The following STX7 variants were observed in gnomAD, a reference collection of about 807,000 sequenced individuals.
STX7 encodes syntaxin-7.
A neutral mutation model predicts 39.6 loss-of-function variants in STX7; 34 were observed. The ratio of observed to expected loss-of-function variants is 0.86; its 90% CI spans 0.65 to 1.14. The LOEUF (loss-of-function observed/expected upper bound fraction) is 1.14. Among genes scored for constraint, STX7 ranks in the 50% most tolerant of loss-of-function variants. The pLI, the probability that STX7 is intolerant of heterozygous loss-of-function variation, is 0.00. For synonymous variants in STX7, 119 were observed against 99.1 expected (o/e 1.20, Z -1.19); for missense variants, 284 against 310.4 (o/e 0.92, Z 0.64).
chr6:132,461,879 T>C lies in STX7; in HGVS notation c.694-1029A>G, dbSNP rs1342731912. 18 of 1,537,768 alleles carry C rather than the reference T, an allele frequency of 1.2e-5. No individual in the cohort carries two copies. In the Admixed American group the frequency reaches 2.8e-4, roughly 24 times the overall value. On this transcript the variant is annotated intron_variant, in intron 9 of 9. Coordinates refer to ENST00000367941, the MANE Select transcript of STX7 (RefSeq NM_003569.3). ...CCTTTTTCTTACAAAGTAGAAAAAT[T>C]TGTAAATTTACTTTGTGTCAAGTAG... is the stretch of plus-strand genomic sequence containing the variant.
At chr6:132,504,938 A>G (rs1775660276) in intron 1 of STX7, among the ~76,000 whole-genome samples, 1 of 152,260 alleles carries the variant, frequency 6.6e-6, no homozygotes, top group African/African-American at 2.4e-5. Flanking sequence ...GAAAGGCCAC[A>G]TGCAGTATGG....
intron 1 of STX7, among the ~76,000 whole-genome samples, chr6:132,508,510 T>G (rs1325532315): frequency 6.6e-6 from 1 of 152,214 alleles, no homozygotes. Context: ...TTTGTTTTAC[T>G]TTTTCTTTGT....
intron 2 of STX7, among the ~76,000 whole-genome samples, chr6:132,499,530 T>C (rs796672858): frequency 6.6e-6 from 1 of 152,208 alleles, no homozygotes; most frequent in South Asian, 2.1e-4. Context: ...CAAATCCAAT[T>C]ATCTGCTTTT....
Position 132,458,888 on chromosome 6 carries a change from C to T in STX7, c.*1870G>A, listed in dbSNP as rs568669578. The T allele has an allele frequency of 6.6e-6, 1 of 151,816 alleles. No homozygotes were observed. The highest frequency in any genetic ancestry group is 1.5e-5 in the Non-Finnish European group (1 of 67,908). The allele number at this position is 151,816 out of a possible 1,614,324, so 9.4% of individuals were successfully genotyped here. A position where few individuals can be genotyped will look rare whatever the true frequency, so the allele number is the denominator to read the frequency against. ...ACTTCAAATAAAGGTACTAAAATCA[C>T]GCCCCCCAAATTTGTAAGCGCTTTT... is the stretch of plus-strand genomic sequence containing the variant. On this transcript the variant is annotated 3_prime_UTR_variant, in exon 10 of 10. Coordinates refer to ENST00000367941, the MANE Select transcript of STX7 (RefSeq NM_003569.3).
chr6:132,506,062 C>G (rs929742084), intron 1 of STX7, among the ~76,000 whole-genome samples: 9 of 151,666 alleles, frequency 5.9e-5, no homozygotes, highest in South Asian at 2.1e-4. Context: ...TGAAACTGGA[C>G]CCTTATCTGT....
At chr6:132,473,510 T>C (rs1221610682) in intron 3 of STX7, among the ~76,000 whole-genome samples, 1 of 135,396 alleles carries the variant, frequency 7.4e-6, no homozygotes, top group Non-Finnish European at 1.6e-5. Context: ...TTTTTTTTTA[T>C]TATTGTGTTG....
Position 132,449,559 on chromosome 6 carries a change from T to C in STX7, c.*11199A>G, listed in dbSNP as rs1280901457. On this transcript the variant is annotated 3_prime_UTR_variant, in exon 10 of 10. Coordinates refer to ENST00000367941, the MANE Select transcript of STX7 (RefSeq NM_003569.3). ...ATCCTTCAGGTCTCATAATCTCTAA[T>C]TCTTATTTTCTATCCCTTTACCTGT... 1.3e-5 allele frequency: 2 copies of C among 152,198 alleles called. No homozygotes were observed. Among genetic ancestry groups the C allele is most frequent in the Non-Finnish European group, 2.9e-5 (2 of 68,034 alleles). The allele number at this position is 152,198 out of a possible 1,614,324, so 9.4% of individuals were successfully genotyped here. A position where few individuals can be genotyped will look rare whatever the true frequency, so the allele number is the denominator to read the frequency against.
At chr6:132,471,400 A>G (rs1774716969) in intron 5 of STX7, 63 bp downstream of exon 5, 3 of 1,531,856 alleles carry the variant, frequency 2.0e-6, no homozygotes, top group Non-Finnish European at 2.6e-6. Context: ...GCTACTATAG[A>G]CTTTTATGGG....
rs1316537069 is a variant in STX7, at chr6:132,450,839, AGAAG to A, written c.*9915_*9918del. ...ATCAGAGTCTCAAAAGAAAGAAGAA[AGAAG>A]GAAGACTGAAAAAGTTCTTGAAAAA... is the stretch of plus-strand genomic sequence containing the variant. On this transcript the variant is annotated 3_prime_UTR_variant, in exon 10 of 10. Coordinates refer to ENST00000367941, the MANE Select transcript of STX7 (RefSeq NM_003569.3). 6.6e-6 allele frequency: 1 copy of A among 152,158 alleles called. No individual in the cohort carries two copies. The highest frequency in any genetic ancestry group is 1.5e-5 in the Non-Finnish European group (1 of 68,038). The allele number at this position is 152,158 out of a possible 1,614,324, so 9.4% of individuals were successfully genotyped here. A position where few individuals can be genotyped will look rare whatever the true frequency, so the allele number is the denominator to read the frequency against.
At chr6:132,490,965 G>GCAGCGCAGCACAGCACAGCA (rs1775265162) in intron 2 of STX7, among the ~76,000 whole-genome samples, 1 of 127,458 alleles carries the variant, frequency 7.8e-6, no homozygotes, top group Non-Finnish European at 1.7e-5. Context: ...GTCCCTCAGT[G>GCAGCGCAGCACAGCACAGCA]CAGCACAGCA....
rs114066586 is a variant in STX7 at position 132,461,035 on chromosome 6, C to G, written c.694-185G>C. ...TCTCTTTAATACATATGGCACTATTCTTTCAAAAAAATTCTTGAACTAATG... is the reference window on the plus strand; with the variant it reads ...TCTCTTTAATACATATGGCACTATTGTTTCAAAAAAATTCTTGAACTAATG... On this transcript the variant is annotated intron_variant, in intron 9 of 9. Coordinates refer to ENST00000367941, the MANE Select transcript of STX7 (RefSeq NM_003569.3). Among the ~76,000 whole-genome samples the G allele has an allele frequency of 4.5e-3, 685 of 152,154 alleles. 6 individuals are homozygous for G. The highest frequency in any genetic ancestry group is 0.016 in the African/African-American group (661 of 41,520).
intron 1 of STX7, among the ~76,000 whole-genome samples, chr6:132,511,444 TCTAA>T (rs1562344799): frequency 6.6e-6 from 1 of 152,184 alleles, no homozygotes; most frequent in Non-Finnish European, 1.5e-5. Flanking sequence ...TCTTTGTCAA[TCTAA>T]CTTACTGCTT....
intron 2 of STX7, among the ~76,000 whole-genome samples, chr6:132,499,713 T>A (rs1775505997): frequency 6.6e-6 from 1 of 152,124 alleles, no homozygotes; most frequent in Non-Finnish European, 1.5e-5. Flanking sequence ...CCAGGCCTCT[T>A]CTCTTTCCTC....
At chr6:132,508,820 T>C (rs1487899958) in intron 1 of STX7, among the ~76,000 whole-genome samples, 1 of 152,138 alleles carries the variant, frequency 6.6e-6, no homozygotes. Context: ...CCAGGAATCA[T>C]GTGTGAAGAA....
chr6:132,450,648 T>C lies in STX7; in HGVS notation c.*10110A>G, dbSNP rs1310953400. 6.6e-6 allele frequency: 1 copy of C among 152,162 alleles called. No homozygotes were observed. The highest frequency in any genetic ancestry group is 2.4e-5 in the African/African-American group (1 of 41,436). 9.4% of individuals were successfully genotyped at this position (152,162 alleles called of 1,614,324 possible). On this transcript the variant is annotated 3_prime_UTR_variant, in exon 10 of 10. Transcript: ENST00000367941. ...GCAGGAATCAATATGAAACACTTAA[T>C]TGATAGGCTCAATAGCAGAATGGAA... is the stretch of plus-strand genomic sequence containing the variant.
chr6:132,510,510 G>A (rs1775820151), intron 1 of STX7, among the ~76,000 whole-genome samples: 1 of 151,970 alleles, frequency 6.6e-6, no homozygotes, highest in South Asian at 2.1e-4. Flanking sequence ...TTTATATTGT[G>A]TATCACTTAA....
At chr6:132,463,897 T>A in intron 9 of STX7, 96 bp downstream of exon 9, 1 of 1,185,508 alleles carries the variant, frequency 8.4e-7, no homozygotes, top group Non-Finnish European at 1.3e-6. Flanking sequence ...TCTTCAGCCA[T>A]TTTAAACCTA....
In STX7 at chr6:132,450,473, GTACTT is replaced by G. The variant is rs547232488; in HGVS notation, c.*10280_*10284del. 1.0e-3 allele frequency: 154 copies of G among 150,116 alleles called. No homozygotes were observed. The highest frequency in any genetic ancestry group is 3.6e-3 in the African/African-American group (146 of 40,764). 9.3% of individuals were successfully genotyped at this position (150,116 alleles called of 1,614,324 possible). Reference sequence around the variant, plus strand: ...CCAAATCGGTTTCACCAAGTTATGTGTACTTTATTTATTTAAAGAGACCAACTTTT... The same window carrying G: ...CCAAATCGGTTTCACCAAGTTATGTGTATTTATTTAAAGAGACCAACTTTT... On this transcript the variant is annotated 3_prime_UTR_variant, in exon 10 of 10. Coordinates refer to ENST00000367941, the MANE Select transcript of STX7 (RefSeq NM_003569.3).
At position 132,452,382 on chromosome 6, in the gene STX7, G is replaced by GC. The variant is rs1774152700; in HGVS notation, c.*8375dup. ...ATTTCTGCTGGAATTTCTACCCACT[G>GC]CATTAAGGGACTGAAAGGAAAAAAA... On this transcript the variant is annotated 3_prime_UTR_variant, in exon 10 of 10. Coordinates refer to ENST00000367941, the MANE Select transcript of STX7 (RefSeq NM_003569.3). 6.6e-6 allele frequency: 1 copy of GC among 151,278 alleles called. No homozygotes were observed. The highest frequency in any genetic ancestry group is 1.5e-5 in the Non-Finnish European group (1 of 67,898). 9.4% of individuals were successfully genotyped at this position (151,278 alleles called of 1,614,324 possible).
Sources: gnomAD v4.1 joint callset for allele counts (sites outside exome capture counted in the v4.1 genomes callset) on GRCh38, gnomAD v4.1.1 for gene constraint, MANE v1.5 for transcripts, NCBI Gene and HGNC (gene_info 2026-07-23, HGNC 2026-07-21) for gene names.